Variants in GFRA1 observed in about 807,000 individuals in gnomAD.
The protein encoded by GFRA1 is GDNF family receptor alpha-1.
In GFRA1, 16 loss-of-function variants were observed where a neutral mutation model predicts 51.6. The ratio of observed to expected loss-of-function variants is 0.31; its 90% CI spans 0.21 to 0.47. The LOEUF (loss-of-function observed/expected upper bound fraction) is 0.47, where lower values mean the gene tolerates loss of function less well. GFRA1 is among the 20% of genes least tolerant of loss of function. The pLI is 1.00. For missense variants in GFRA1, 530 were observed against 594.3 expected (o/e 0.89, Z 1.13); for synonymous variants, 270 against 241.3 (o/e 1.12, Z -1.10).
chr10:116,169,519 C>T (rs1317640909), intron 5 of GFRA1, among the ~76,000 whole-genome samples: 3 of 152,188 alleles, frequency 2.0e-5, no homozygotes, highest in African/African-American at 4.8e-5. Flanking sequence ...GGCAGAGGAG[C>T]AGAGCGCTGT....
At chr10:116,208,885 G>A (rs188674185) in intron 5 of GFRA1, among the ~76,000 whole-genome samples, 1 of 151,834 alleles carries the variant, frequency 6.6e-6, no homozygotes, top group African/African-American at 2.4e-5. Context: ...TGCACATACA[G>A]AATTTTCAAT....
At chr10:116,194,314 G>A (rs1963545787) in intron 5 of GFRA1, among the ~76,000 whole-genome samples, 1 of 152,116 alleles carries the variant, frequency 6.6e-6, no homozygotes, top group Admixed American at 6.5e-5. Flanking sequence ...CCACCAGATA[G>A]GCAAGCAAAC....
At chr10:116,098,649 TC>T (rs1956701703) in intron 6 of GFRA1, among the ~76,000 whole-genome samples, 2 of 152,172 alleles carry the variant, frequency 1.3e-5, no homozygotes, top group Non-Finnish European at 2.9e-5. Context: ...TCCCGGCCTG[TC>T]CCCCAGAGAC....
rs531777123 is a variant in GFRA1, at chr10:116,235,230, G to A, written c.419-23585C>T. Among the ~76,000 whole-genome samples the A allele has an allele frequency of 7.2e-5, 11 of 152,262 alleles. 1 individual carries two copies. Among genetic ancestry groups the A allele is most frequent in the Admixed American group, 6.5e-4 (10 of 15,286 alleles). ...CTAGTTTGCCAAGGCCAGACAGAGG[G>A]AAGACACATGTGGCTGAAATGGCCA... is the stretch of plus-strand genomic sequence containing the variant. On this transcript the variant is annotated intron_variant, in intron 4 of 10. Coordinates refer to ENST00000355422, the MANE Select transcript of GFRA1 (RefSeq NM_005264.8).
intron 5 of GFRA1, among the ~76,000 whole-genome samples, chr10:116,163,879 T>A (rs1960098022): frequency 6.6e-6 from 1 of 152,220 alleles, no homozygotes; most frequent in Non-Finnish European, 1.5e-5. Context: ...CCGAGTTTGA[T>A]CTGTCTGTCC....
intron 6 of GFRA1, among the ~76,000 whole-genome samples, chr10:116,112,627 G>A (rs970076138): frequency 1.3e-5 from 2 of 152,110 alleles, no homozygotes; most frequent in African/African-American, 2.4e-5. Flanking sequence ...TGAATATGAT[G>A]GTGAAATCCT....
At chr10:116,085,407 A>T (rs899580477) in intron 9 of GFRA1, among the ~76,000 whole-genome samples, 1 of 152,218 alleles carries the variant, frequency 6.6e-6, no homozygotes, top group Non-Finnish European at 1.5e-5. Context: ...AAGATAGTTG[A>T]CTTTCTCTGA....
At chr10:116,177,691 T>C (rs1410803638) in intron 5 of GFRA1, among the ~76,000 whole-genome samples, 1 of 151,944 alleles carries the variant, frequency 6.6e-6, no homozygotes, top group African/African-American at 2.4e-5. Context: ...ATGAAACACA[T>C]GCAGAAGAAA....
At chr10:116,112,942 C>A (rs1316960136) in intron 6 of GFRA1, among the ~76,000 whole-genome samples, 1 of 152,174 alleles carries the variant, frequency 6.6e-6, no homozygotes, top group Non-Finnish European at 1.5e-5. Context: ...ACCTCAGGAG[C>A]GCTGGTGCAC....
intron 5 of GFRA1, among the ~76,000 whole-genome samples, chr10:116,168,624 A>G (rs1960728044): frequency 6.6e-6 from 1 of 152,208 alleles, no homozygotes; most frequent in Admixed American, 6.5e-5. Context: ...CAGGTGGATC[A>G]TGGCCAGTGG....
intron 4 of GFRA1, among the ~76,000 whole-genome samples, chr10:116,232,321 A>G (rs1966726972): frequency 6.6e-6 from 1 of 152,226 alleles, no homozygotes; most frequent in Non-Finnish European, 1.5e-5. Flanking sequence ...TCTCAGAAAT[A>G]GCAGTTGGGT....
At position 116,272,685 on chromosome 10, in the gene GFRA1, C is replaced by T. The variant is rs1216064597; in HGVS notation, c.-246-410G>A. On this transcript the variant is annotated intron_variant, in intron 1 of 10. Transcript: ENST00000355422. This position sits in a 1 kb window ranked among gnomAD's most constrained non-coding sequence, Gnocchi z 4.4. ...CTTCTCCCGGGAAGTTGGCCTCCCC[C>T]TCCTCGCGTCAGCCAGCGAGCTCGC... 1 of 152,648 alleles carries T rather than the reference C, an allele frequency of 6.6e-6. No individual in the cohort carries two copies. The highest frequency in any genetic ancestry group is 1.5e-5 in the Non-Finnish European group (1 of 68,460). The allele number at this position is 152,648 out of a possible 1,614,324, so 9.5% of individuals were successfully genotyped here. A position where few individuals can be genotyped will look rare whatever the true frequency, so the allele number is the denominator to read the frequency against.
chr10:116,087,241 C>A (rs1293147096), intron 9 of GFRA1, among the ~76,000 whole-genome samples: 1 of 144,080 alleles, frequency 6.9e-6, no homozygotes, highest in Non-Finnish European at 1.5e-5. Context: ...CTGCACTGTA[C>A]CACGGGGAGC....
chr10:116,197,244 C>G (rs534755474), intron 5 of GFRA1, among the ~76,000 whole-genome samples: 4 of 152,010 alleles, frequency 2.6e-5, no homozygotes, highest in African/African-American at 9.7e-5. Flanking sequence ...AGATTAGGGC[C>G]CTTAGGACTC....
In GFRA1 at chr10:116,179,189, T is replaced by A. The variant is rs190787130; in HGVS notation, c.433+32442A>T. ...ACATCTCTGGATTTTATTTCATACA[T>A]TAAACCTGCTGTCTGGAAGGCACTG... is the stretch of plus-strand genomic sequence containing the variant. On this transcript the variant is annotated intron_variant, in intron 5 of 10. Coordinates refer to ENST00000355422, the MANE Select transcript of GFRA1 (RefSeq NM_005264.8). Among the ~76,000 whole-genome samples, 210 of 152,284 alleles carry A rather than the reference T, an allele frequency of 1.4e-3. 2 individuals are homozygous for A. The highest frequency in any genetic ancestry group is 0.011 in the Admixed American group (174 of 15,300).
chr10:116,088,062 G>A (rs1956171283), intron 9 of GFRA1, among the ~76,000 whole-genome samples: 1 of 152,144 alleles, frequency 6.6e-6, no homozygotes. Context: ...TTCTGTGTGT[G>A]AGTGTCTCTG....
intron 5 of GFRA1, among the ~76,000 whole-genome samples, chr10:116,141,286 C>T (rs947699015): frequency 6.6e-6 from 1 of 152,070 alleles, no homozygotes; most frequent in Non-Finnish European, 1.5e-5. Flanking sequence ...GGGTATGTTT[C>T]TTCTTGGCCA....
At chr10:116,128,681 G>A (rs1446621886) in intron 5 of GFRA1, among the ~76,000 whole-genome samples, 1 of 137,478 alleles carries the variant, frequency 7.3e-6, no homozygotes, top group African/African-American at 2.8e-5. Flanking sequence ...AGCCAAGACT[G>A]CGCCACTGCA....
At position 116,062,739 on chromosome 10, in the gene GFRA1, T is replaced by G. The variant is rs1157228691; in HGVS notation, c.*1659A>C. ...GTTGGAGAAAAGTGGCCACCAGTAC[T>G]CGATCATTGTAGATTCGGAATCTCG... On this transcript the variant is annotated 3_prime_UTR_variant, in exon 11 of 11. Coordinates refer to ENST00000355422, the MANE Select transcript of GFRA1 (RefSeq NM_005264.8). The G allele has an allele frequency of 6.6e-6, 1 of 152,220 alleles. No homozygotes were observed. The highest frequency in any genetic ancestry group is 1.5e-5 in the Non-Finnish European group (1 of 68,046). 9.4% of individuals were successfully genotyped at this position (152,220 alleles called of 1,614,324 possible).
Sources: allele counts gnomAD v4.1 joint callset (sites outside exome capture counted in the v4.1 genomes callset), GRCh38; gene constraint gnomAD v4.1.1; non-coding constraint Gnocchi (gnomAD v3.1); transcripts MANE v1.5; gene names NCBI Gene and HGNC (gene_info 2026-07-23, HGNC 2026-07-21).